The following PTH2R variants were observed in gnomAD, a reference collection of about 807,000 sequenced individuals.
PTH2R encodes the protein parathyroid hormone 2 receptor.
A neutral mutation model predicts 60.3 loss-of-function variants in PTH2R; 59 were observed. The ratio of observed to expected loss-of-function variants is 0.98; its 90% CI spans 0.79 to 1.22. The LOEUF is 1.22. Ranked by LOEUF, PTH2R falls within the 50% of genes most tolerant of loss-of-function variation. PTH2R has a pLI of 0.00. For synonymous variants in PTH2R, 256 were observed against 243.8 expected (o/e 1.05, Z -0.47); for missense variants, 749 against 682.6 (o/e 1.10, Z -1.08).
intron 1 of PTH2R, among the ~76,000 whole-genome samples, chr2:208,400,358 C>G (rs1211989155): frequency 6.6e-6 from 1 of 152,134 alleles, no homozygotes; most frequent in Admixed American, 6.5e-5. Context: ...AATATCTTCC[C>G]AGTCATTAAG....
chr2:208,469,201 T>A (rs921288548), intron 9 of PTH2R, among the ~76,000 whole-genome samples: 4 of 152,256 alleles, frequency 2.6e-5, no homozygotes, highest in African/African-American at 9.6e-5. Flanking sequence ...TATAGCTATG[T>A]GCATAGTTTT....
At chr2:208,388,438 C>T (rs999091913) in intron 1 of PTH2R, among the ~76,000 whole-genome samples, 2 of 152,192 alleles carry the variant, frequency 1.3e-5, no homozygotes, top group African/African-American at 2.4e-5. Flanking sequence ...TCCACACTAT[C>T]CTTCAACACT....
chr2:208,426,610 G>A (rs1384429671), intron 1 of PTH2R, among the ~76,000 whole-genome samples: 2 of 152,154 alleles, frequency 1.3e-5, no homozygotes, highest in Non-Finnish European at 2.9e-5. Context: ...GATCATGGGG[G>A]CGGTTTCCCC....
At chr2:208,471,908 C>G (rs1458934020) in intron 9 of PTH2R, among the ~76,000 whole-genome samples, 1 of 152,236 alleles carries the variant, frequency 6.6e-6, no homozygotes, top group Non-Finnish European at 1.5e-5. Flanking sequence ...GAGCTTTCCT[C>G]TTTCATCAGC....
intron 1 of PTH2R, among the ~76,000 whole-genome samples, chr2:208,361,761 C>CTT (rs80313864): frequency 3.0e-4 from 43 of 144,338 alleles, no homozygotes; most frequent in Admixed American, 1.9e-3. Context: ...TCAAGATTTC[C>CTT]TTTTTTTTTT....
chr2:208,447,606 AAAATAAATAAATAAAT>A (rs55709644), intron 7 of PTH2R, among the ~76,000 whole-genome samples: 30 of 140,236 alleles, frequency 2.1e-4, no homozygotes, highest in South Asian at 4.5e-4. Context: ...AACAAAAAGA[AAAATAAATAAATAAAT>A]AAATAAATAA....
intron 1 of PTH2R, chr2:208,360,687 A>C (rs1277247103): frequency 6.5e-6 from 1 of 152,962 alleles, no homozygotes; most frequent in African/African-American, 2.4e-5. Context: ...TCTGTGGTGA[A>C]GGTGGGGGCC....
intron 1 of PTH2R, among the ~76,000 whole-genome samples, chr2:208,410,774 G>A (rs1701525283): frequency 6.6e-6 from 1 of 152,304 alleles, no homozygotes; most frequent in Admixed American, 6.5e-5. Flanking sequence ...GTGTGTGTGT[G>A]TGTGTGTCTT....
intron 2 of PTH2R, among the ~76,000 whole-genome samples, chr2:208,428,910 C>T (rs1701913900): frequency 6.6e-6 from 1 of 152,022 alleles, no homozygotes; most frequent in Non-Finnish European, 1.5e-5. Flanking sequence ...CATGGTGAAA[C>T]CCTATCTCTA....
intron 2 of PTH2R, among the ~76,000 whole-genome samples, chr2:208,428,881 T>G (rs1701913105): frequency 6.6e-6 from 1 of 152,076 alleles, no homozygotes; most frequent in Non-Finnish European, 1.5e-5. Context: ...GGTCGGGAGC[T>G]CCAGACCAGC....
rs775369232 is a variant in PTH2R at position 208,437,843 on chromosome 2, T to G, written c.373T>G (p.Cys125Gly). 1.4e-5 allele frequency: 23 copies of G among 1,613,884 alleles called. No homozygotes were observed. The South Asian group carries it at 2.4e-4, about 17-fold the overall frequency. ...LNKTWANYSD[C>G]LRFLQPDISI... ...TAAAACATGGGCCAATTATTCAGAC[T>G]GCCTTCGCTTTCTGCAGCCAGATAT... The change falls in exon 4 of 13, where the codon TGC becomes GGC. Residue 125 changes from cysteine to glycine, a missense_variant. By Grantham distance (159) the Cys-to-Gly change is radical. Coordinates refer to ENST00000272847, the MANE Select transcript of PTH2R (RefSeq NM_005048.4).
chr2:208,424,183 G>T (rs921351146), intron 1 of PTH2R, among the ~76,000 whole-genome samples: 1 of 152,214 alleles, frequency 6.6e-6, no homozygotes, highest in Non-Finnish European at 1.5e-5. Context: ...CTTATATGCA[G>T]GTTGTGAAGA....
At chr2:208,363,899 A>G (rs1360791772) in intron 1 of PTH2R, among the ~76,000 whole-genome samples, 3 of 152,036 alleles carry the variant, frequency 2.0e-5, no homozygotes, top group Admixed American at 2.0e-4. Flanking sequence ...TTTCATGTAG[A>G]TTCTGGATAT....
chr2:208,424,107 C>G (rs1219333084), intron 1 of PTH2R, among the ~76,000 whole-genome samples: 1 of 152,270 alleles, frequency 6.6e-6, no homozygotes, highest in African/African-American at 2.4e-5. Context: ...TCTTCTCTGA[C>G]CCCCGCTCCA....
chr2:208,365,220 A>G (rs1559198485), intron 1 of PTH2R, among the ~76,000 whole-genome samples: 1 of 152,204 alleles, frequency 6.6e-6, no homozygotes, highest in African/African-American at 2.4e-5. Flanking sequence ...AGAAGTGTCC[A>G]GAACAGACAT....
At chr2:208,444,632 G>T in intron 6 of PTH2R, 102 bp from the exon 7 acceptor site, 1 of 1,158,382 alleles carries the variant, frequency 8.6e-7, no homozygotes, top group Non-Finnish European at 1.2e-6. Context: ...AGACATATTA[G>T]CCTGAAAAAG....
intron 1 of PTH2R, among the ~76,000 whole-genome samples, chr2:208,370,991 C>CG (rs1286028926): frequency 2.0e-5 from 3 of 151,818 alleles, no homozygotes; most frequent in African/African-American, 7.3e-5. Context: ...GAGAGAGGGT[C>CG]GGGGGGTGCC....
intron 9 of PTH2R, among the ~76,000 whole-genome samples, chr2:208,469,565 A>G (rs1260100964): frequency 2.0e-5 from 3 of 152,216 alleles, no homozygotes; most frequent in Non-Finnish European, 4.4e-5. Context: ...AGACTGCAGT[A>G]TAAGTTTGGA....
At chr2:208,481,612 G>A (rs1332319683) in intron 10 of PTH2R, among the ~76,000 whole-genome samples, 2 of 152,116 alleles carry the variant, frequency 1.3e-5, no homozygotes, top group African/African-American at 2.4e-5. Flanking sequence ...TATCAGAAAA[G>A]CATATATATA....
Sources: gnomAD v4.1 joint callset for allele counts (sites outside exome capture counted in the v4.1 genomes callset) on GRCh38, gnomAD v4.1.1 for gene constraint, MANE v1.5 for transcripts, NCBI Gene and HGNC (gene_info 2026-07-23, HGNC 2026-07-21) for gene names.